PTPRD: variants seen among roughly 807,000 people sequenced by gnomAD.
The protein encoded by PTPRD is protein tyrosine phosphatase receptor type D, also known as receptor-type tyrosine-protein phosphatase delta.
PTPRD carries 34 observed loss-of-function variants against 214.5 expected under a neutral mutation model. The ratio of observed to expected loss-of-function variants is 0.16; its 90% CI spans 0.12 to 0.21. The LOEUF is 0.21. PTPRD is among the 10% of genes least tolerant of loss of function. The pLI is 1.00. For synonymous variants in PTPRD, 1,128 were observed against 845.7 expected (o/e 1.33, Z -5.79); for missense variants, 2,545 against 2,398.7 (o/e 1.06, Z -1.27).
At chr9:8,427,910 A>G (rs757987909) in intron 35 of PTPRD, among the ~76,000 whole-genome samples, 6 of 152,038 alleles carry the variant, frequency 3.9e-5, no homozygotes, top group Non-Finnish European at 7.4e-5. Flanking sequence ...AATTGATGGC[A>G]CCTAGATGAG....
At chr9:9,511,710 A>C (rs1343800415) in intron 8 of PTPRD, among the ~76,000 whole-genome samples, 1 of 151,792 alleles carries the variant, frequency 6.6e-6, no homozygotes, top group East Asian at 1.9e-4. Flanking sequence ...AATTCTTTAA[A>C]CATATATTAA....
chr9:8,480,132 G>A (rs1203607077), intron 30 of PTPRD, among the ~76,000 whole-genome samples: 11 of 152,184 alleles, frequency 7.2e-5, no homozygotes, highest in African/African-American at 2.4e-4. Flanking sequence ...AAAACAGTGT[G>A]TATAGAATAT....
intron 5 of PTPRD, among the ~76,000 whole-genome samples, chr9:9,830,642 C>T (rs931193443): frequency 2.6e-5 from 4 of 151,840 alleles, no homozygotes; most frequent in Admixed American, 1.3e-4. Context: ...AGTGTGTTAG[C>T]CAAGATCATT....
chr9:8,604,450 G>A (rs890363302), intron 14 of PTPRD, among the ~76,000 whole-genome samples: 1 of 152,176 alleles, frequency 6.6e-6, no homozygotes, highest in African/African-American at 2.4e-5. Flanking sequence ...TGAGTGGAAA[G>A]TTCAGCCTGA....
At chr9:8,480,146 T>C (rs1273158704) in intron 30 of PTPRD, among the ~76,000 whole-genome samples, 1 of 152,210 alleles carries the variant, frequency 6.6e-6, no homozygotes, top group Non-Finnish European at 1.5e-5. Flanking sequence ...AGAATATATA[T>C]TTGTTGGATG....
intron 5 of PTPRD, among the ~76,000 whole-genome samples, chr9:9,876,363 C>T (rs1262463064): frequency 2.0e-5 from 3 of 152,034 alleles, no homozygotes; most frequent in African/African-American, 4.8e-5. Context: ...TAAAGTAGGG[C>T]TTCAGTAGCA....
intron 9 of PTPRD, among the ~76,000 whole-genome samples, chr9:9,220,125 A>G (rs2099954857): frequency 6.6e-6 from 1 of 152,074 alleles, no homozygotes; most frequent in African/African-American, 2.4e-5. Flanking sequence ...AGGTAACTCA[A>G]ATTAAATATT....
At chr9:10,248,345 CA>C (rs2092399727) in intron 3 of PTPRD, among the ~76,000 whole-genome samples, 1 of 151,942 alleles carries the variant, frequency 6.6e-6, no homozygotes, top group African/African-American at 2.4e-5. Flanking sequence ...TACCATTCTA[CA>C]ACCTCTAAGT....
At chr9:9,105,425 A>G (rs1286266081) in intron 10 of PTPRD, among the ~76,000 whole-genome samples, 1 of 152,214 alleles carries the variant, frequency 6.6e-6, no homozygotes, top group Non-Finnish European at 1.5e-5. Context: ...ACTATAGTTG[A>G]TAAAAATTGA....
chr9:9,377,455 G>C (rs1194736138), intron 9 of PTPRD, among the ~76,000 whole-genome samples: 1 of 152,054 alleles, frequency 6.6e-6, no homozygotes, highest in Non-Finnish European at 1.5e-5. Flanking sequence ...AATTTGTTGA[G>C]AACTTAGTAT....
chr9:10,430,633 C>T (rs1365387534), intron 2 of PTPRD, among the ~76,000 whole-genome samples: 1 of 151,746 alleles, frequency 6.6e-6, no homozygotes, highest in Non-Finnish European at 1.5e-5. Context: ...ACAACAAATA[C>T]CTCCGTCAGA....
intron 8 of PTPRD, among the ~76,000 whole-genome samples, chr9:9,563,100 A>G (rs904977300): frequency 1.3e-5 from 2 of 152,190 alleles, no homozygotes; most frequent in Non-Finnish European, 2.9e-5. Flanking sequence ...CCACTTTATT[A>G]TAAGAAATAT....
chr9:10,452,874 G>T (rs1023506486), intron 2 of PTPRD, among the ~76,000 whole-genome samples: 2 of 151,464 alleles, frequency 1.3e-5, no homozygotes, highest in Admixed American at 6.6e-5. Context: ...TCCGTTTTTG[G>T]AATCAGATCC....
Position 9,514,821 on chromosome 9 carries a change from A to G in PTPRD, c.-237+59911T>C, listed in dbSNP as rs928395933. ...CTTCAACTGCCTTTGCAGCACCGTA[A>G]AAAATAAGCCTACTCTGGAAATAGC... On this transcript the variant is annotated intron_variant, in intron 8 of 45. Transcript: ENST00000381196. Among the ~76,000 whole-genome samples, 3 of 152,002 alleles carry G rather than the reference A, an allele frequency of 2.0e-5. No homozygotes were observed. In the South Asian group the frequency reaches 6.2e-4, roughly 31 times the overall value.
intron 11 of PTPRD, among the ~76,000 whole-genome samples, chr9:8,831,643 T>A (rs575437376): frequency 6.6e-6 from 1 of 152,302 alleles, no homozygotes; most frequent in African/African-American, 2.4e-5. Context: ...ATGTCCTGAA[T>A]GAAACATATC....
At chr9:8,919,873 A>G (rs984031944) in intron 11 of PTPRD, among the ~76,000 whole-genome samples, 19 of 151,504 alleles carry the variant, frequency 1.3e-4, no homozygotes, top group African/African-American at 4.6e-4. Context: ...ATGTACATGC[A>G]TGTATCATGC....
intron 11 of PTPRD, among the ~76,000 whole-genome samples, chr9:8,749,742 T>C (rs2093325875): frequency 6.6e-6 from 1 of 152,196 alleles, no homozygotes; most frequent in South Asian, 2.1e-4. Flanking sequence ...CATTCTTTTA[T>C]TCCATGAATA....
chr9:10,338,287 T>G (rs2096878442), intron 3 of PTPRD, among the ~76,000 whole-genome samples: 1 of 151,602 alleles, frequency 6.6e-6, no homozygotes, highest in African/African-American at 2.4e-5. Context: ...TTTCTGCTAA[T>G]GAGTAACATT....
At chr9:8,800,709 C>T (rs1048132809) in intron 11 of PTPRD, among the ~76,000 whole-genome samples, 3 of 152,140 alleles carry the variant, frequency 2.0e-5, no homozygotes, top group African/African-American at 7.2e-5. Flanking sequence ...TATGGAGTAG[C>T]CATTCTTTTA....
Sources: gnomAD v4.1 joint callset for allele counts (sites outside exome capture counted in the v4.1 genomes callset) on GRCh38, gnomAD v4.1.1 for gene constraint, MANE v1.5 for transcripts, NCBI Gene and HGNC (gene_info 2026-07-23, HGNC 2026-07-21) for gene names.